SH3YL1: variants seen among roughly 807,000 people sequenced by gnomAD.
The protein encoded by SH3YL1 is SH3 domain-containing YSC84-like protein 1.
Under a neutral mutation model 45.8 loss-of-function variants are expected in SH3YL1, and 41 were observed. That is an observed-to-expected ratio of 0.89 (90% CI 0.70 to 1.16). The LOEUF is 1.16. Among genes scored for constraint, SH3YL1 ranks in the 50% most tolerant of loss-of-function variants. The pLI is 0.00. For missense variants in SH3YL1, 389 were observed against 409.6 expected (o/e 0.95, Z 0.43); for synonymous variants, 152 against 151.4 (o/e 1.00, Z -0.03).
At chr2:234,112 A>G in intron 5 of SH3YL1, 48 bp downstream of exon 5, 1 of 1,305,036 alleles carries the variant, frequency 7.7e-7, no homozygotes, top group Non-Finnish European at 1.1e-6. Context: ...AAAATAAAAT[A>G]TGCAGTTGTT....
intron 2 of SH3YL1, 107 bp downstream of exon 2, chr2:252,898 G>A (rs368979393): frequency 6.0e-6 from 4 of 662,150 alleles, no homozygotes; most frequent in Non-Finnish European, 1.0e-5. Flanking sequence ...TGAACTACTT[G>A]TTGGCATTGA....
chr2:236,276 C>A (rs1159222470), intron 4 of SH3YL1, among the ~76,000 whole-genome samples: 1 of 150,802 alleles, frequency 6.6e-6, no homozygotes, highest in Non-Finnish European at 1.5e-5. Flanking sequence ...TGGGCCAGGG[C>A]ACCCCTGGGT....
chr2:245,005 T>C (rs1317354623), intron 4 of SH3YL1, among the ~76,000 whole-genome samples: 1 of 152,118 alleles, frequency 6.6e-6, no homozygotes, highest in Non-Finnish European at 1.5e-5. Flanking sequence ...GAGAACAGCC[T>C]GAGGGAACCA....
chr2:219,065 G>T (rs1667471849), intron 9 of SH3YL1, 64 bp from the exon 10 acceptor site: 1 of 1,407,126 alleles, frequency 7.1e-7, no homozygotes. Context: ...GTATCTGCTG[G>T]TAAGATAAAA....
At chr2:228,467 T>C (rs1165918194) in intron 8 of SH3YL1, among the ~76,000 whole-genome samples, 3 of 152,254 alleles carry the variant, frequency 2.0e-5, no homozygotes, top group Admixed American at 2.0e-4. Context: ...AAGGACCTGA[T>C]ACTAAGAGGA....
chr2:259,907 ATT>A (rs994951131), intron 1 of SH3YL1: 2 of 151,686 alleles, frequency 1.3e-5, no homozygotes, highest in African/African-American at 4.9e-5. Context: ...GAATTATAGA[ATT>A]TTTTTTCAAT....
chr2:243,764 T>C (rs751013062), intron 4 of SH3YL1, among the ~76,000 whole-genome samples: 1 of 152,156 alleles, frequency 6.6e-6, no homozygotes, highest in Non-Finnish European at 1.5e-5. Flanking sequence ...CCGCTTCTAG[T>C]GAACCATATC....
At chr2:229,506 G>C (rs1045046670) in intron 8 of SH3YL1, among the ~76,000 whole-genome samples, 4 of 151,976 alleles carry the variant, frequency 2.6e-5, no homozygotes, top group Admixed American at 6.6e-5. Flanking sequence ...GAGGCGGGCA[G>C]ATCACGAGGT....
intron 1 of SH3YL1, chr2:262,703 G>C (rs1285775043): frequency 5.4e-6 from 7 of 1,297,954 alleles, no homozygotes; most frequent in Non-Finnish European, 7.1e-6. Flanking sequence ...ATTTCCCTTT[G>C]ACTGCCTCAA....
At position 226,749 on chromosome 2, in the gene SH3YL1, TTGGGGAGTGTATATATGG is replaced by T. The variant is rs1320337203; in HGVS notation, c.782-1847_782-1830del. On this transcript the variant is annotated intron_variant, in intron 8 of 9. Transcript: ENST00000356150. ...ATATAATGAAGACTTGGGAATGTTA[TTGGGGAGTGTATATATGG>T]TGGGGAGTGTATATATGGTGGGGAG... Among the ~76,000 whole-genome samples the T allele has an allele frequency of 9.9e-3, 1,505 of 152,004 alleles. 26 individuals are homozygous for T. Among genetic ancestry groups the T allele is most frequent in the African/African-American group, 0.033 (1,385 of 41,408 alleles).
rs188385680 is a variant in SH3YL1 at position 246,095 on chromosome 2, T to C, written c.291+1443A>G. 2.8e-4 allele frequency among the ~76,000 whole-genome samples: 43 copies of C among 151,558 alleles called. No individual in the cohort carries two copies. In the South Asian group the frequency reaches 7.1e-3, roughly 25 times the overall value. Reference sequence around the variant, plus strand: ...CTGTAGTCCCAGCTACTCGGGAGGCTGAGGCAGGAGAATCGCTTGAAACTG... The same window carrying C: ...CTGTAGTCCCAGCTACTCGGGAGGCCGAGGCAGGAGAATCGCTTGAAACTG... On this transcript the variant is annotated intron_variant, in intron 4 of 9. Coordinates refer to ENST00000356150, the MANE Select transcript of SH3YL1 (RefSeq NM_015677.4).
intron 4 of SH3YL1, chr2:244,784 T>C (rs754142971): frequency 3.9e-5 from 6 of 152,198 alleles, no homozygotes; most frequent in Non-Finnish European, 7.3e-5. Context: ...GCCTTCCCGG[T>C]ACTCACAGTG....
chr2:263,674 G>A (rs1290383853), intron 1 of SH3YL1: 2 of 356,500 alleles, frequency 5.6e-6, no homozygotes, highest in Non-Finnish European at 1.0e-5. Context: ...TGGAACGGAA[G>A]GATGGTCGCT....
At position 231,171 on chromosome 2, in the gene SH3YL1, C is replaced by G. The variant is rs368725946; in HGVS notation, c.554G>C (p.Arg185Pro). The G allele has an allele frequency of 6.0e-5, 96 of 1,611,670 alleles. No homozygotes were observed. The South Asian group carries it at 1.0e-3, about 17-fold the overall frequency. Residue 185 changes from arginine (R) to proline (P), a missense_variant, in exon 7 of 10, where the codon CGA becomes CCA. Physicochemically the swap from Arg to Pro is moderately radical, Grantham distance 103 (BLOSUM62 -2). Transcript: ENST00000356150. ...ATCTCCAAATAAAATGTCATAAGCTCGGATATCTTGACAATAAAATCTAAT... is the reference window on the plus strand; with the variant it reads ...ATCTCCAAATAAAATGTCATAAGCTGGGATATCTTGACAATAAAATCTAAT... The part of the protein sequence containing the change: ...TNRKFYCQDI[R>P]AYDILFGDTP...
rs137932259 is a variant in SH3YL1, at chr2:221,884, T to C, written c.839-2883A>G. Among the ~76,000 whole-genome samples the C allele has an allele frequency of 2.3e-3, 346 of 152,336 alleles. 2 individuals are homozygous for C. Among genetic ancestry groups the C allele is most frequent in the Non-Finnish European group, 4.4e-3 (296 of 68,040 alleles). On this transcript the variant is annotated intron_variant, in intron 9 of 9. Transcript: ENST00000356150. Reference sequence around the variant, plus strand: ...GTTAGTGCTGTGCCCTGTTAGTTTTTTTCTTTGAAAAACTCCAAATGACTT... The same window carrying C: ...GTTAGTGCTGTGCCCTGTTAGTTTTCTTCTTTGAAAAACTCCAAATGACTT...
At chr2:252,355 G>A (rs1669104891) in intron 2 of SH3YL1, among the ~76,000 whole-genome samples, 1 of 152,208 alleles carries the variant, frequency 6.6e-6, no homozygotes, top group South Asian at 2.1e-4. Flanking sequence ...TTAGCTTGCA[G>A]AGTTCTTAGC....
intron 1 of SH3YL1, 28 bp from the exon 2 acceptor site, chr2:253,143 G>C (rs1245864210): frequency 1.6e-6 from 2 of 1,239,870 alleles, no homozygotes. Context: ...ATATTTTAAT[G>C]AAAAATTCTG....
chr2:264,354 G>A (rs1328018928), upstream of SH3YL1: 1 of 258,012 alleles, frequency 3.9e-6, no homozygotes. Flanking sequence ...GACCCGCCCA[G>A]CCCCTCTATG....
chr2:218,876 A>T lies in SH3YL1; in HGVS notation c.964T>A (p.Trp322Arg). ...VISKTDSHFD[W>R]WEGKLRGQTG... ...TGACCTCGAAGTTTTCCTTCCCACC[A>T]ATCAAAATGTGAATCTGTTTTTGAT... The change falls in exon 10 of 10, where the codon TGG (tryptophan) becomes AGG (arginine). Residue 322 changes from tryptophan to arginine, a missense_variant. Physicochemically the swap from Trp to Arg is moderately radical, Grantham distance 101. Coordinates refer to ENST00000356150, the MANE Select transcript of SH3YL1 (RefSeq NM_015677.4). The T allele has an allele frequency of 1.2e-6, 2 of 1,614,140 alleles. No homozygotes were observed. The highest frequency in any genetic ancestry group is 1.7e-6 in the Non-Finnish European group (2 of 1,180,000).
Sources: gnomAD v4.1 joint callset for allele counts (sites outside exome capture counted in the v4.1 genomes callset) on GRCh38, gnomAD v4.1.1 for gene constraint, MANE v1.5 for transcripts, NCBI Gene and HGNC (gene_info 2026-07-23, HGNC 2026-07-21) for gene names.